The following KIF26B variants were observed in gnomAD, a reference collection of about 807,000 sequenced individuals.
KIF26B encodes kinesin-like protein KIF26B.
In KIF26B, 63 loss-of-function variants were observed where a neutral mutation model predicts 151.2. The observed-to-expected ratio is 0.42, with a 90% CI of 0.34 to 0.51. The LOEUF (loss-of-function observed/expected upper bound fraction) is 0.51. KIF26B is among the 20% of genes least tolerant of loss of function. KIF26B has a pLI of 0.07. For missense variants in KIF26B, 2,813 were observed against 2,913.6 expected (o/e 0.97, Z 0.79); for synonymous variants, 1,357 against 1,262.1 (o/e 1.08, Z -1.59).
At chr1:245,500,528 C>G (rs927167076) in intron 4 of KIF26B, among the ~76,000 whole-genome samples, 2 of 152,184 alleles carry the variant, frequency 1.3e-5, no homozygotes, top group Non-Finnish European at 2.9e-5. Flanking sequence ...ATTAATAACA[C>G]CTGGTGTAAT....
intron 4 of KIF26B, among the ~76,000 whole-genome samples, chr1:245,429,677 A>C (rs1658732666): frequency 6.6e-6 from 1 of 152,168 alleles, no homozygotes; most frequent in Admixed American, 6.5e-5. Context: ...GCAGTGGCAC[A>C]ATCTCGGCTC....
intron 14 of KIF26B, among the ~76,000 whole-genome samples, chr1:245,700,752 C>T (rs905224553): frequency 2.6e-5 from 4 of 152,174 alleles, no homozygotes; most frequent in Admixed American, 6.5e-5. Flanking sequence ...ACTAGTCCTG[C>T]GAGGGCCTTT....
At position 245,244,756 on chromosome 1, in the gene KIF26B, T is replaced by TCA. The variant is rs55638619; in HGVS notation, c.465+88108_465+88109dup. 0.25 allele frequency among the ~76,000 whole-genome samples: 36,558 copies of TCA among 144,224 alleles called. 4,755 individuals are homozygous for TCA. Among genetic ancestry groups the TCA allele is most frequent in the East Asian group, 0.37 (1,792 of 4,808 alleles). 94.6% of individuals were successfully genotyped at this position (144,224 alleles called of 152,430 possible). Reference sequence around the variant, plus strand: ...AGAAGGAACACACAGACACGCACACTCACACACACACACACACACACACAC... The same window carrying TCA: ...AGAAGGAACACACAGACACGCACACTCACACACACACACACACACACACACAC... On this transcript the variant is annotated intron_variant, in intron 2 of 14. Coordinates refer to ENST00000407071, the MANE Select transcript of KIF26B (RefSeq NM_018012.4). This position sits in a 1 kb window ranked among gnomAD's most constrained non-coding sequence, Gnocchi z 4.2.
chr1:245,251,264 C>A (rs1426310122), intron 2 of KIF26B, among the ~76,000 whole-genome samples: 2 of 152,146 alleles, frequency 1.3e-5, no homozygotes, highest in Admixed American at 1.3e-4. Flanking sequence ...TCACTCTTAC[C>A]AGTTCTAGGA....
intron 5 of KIF26B, among the ~76,000 whole-genome samples, chr1:245,545,429 T>C (rs1023543890): frequency 6.6e-6 from 1 of 152,172 alleles, no homozygotes; most frequent in African/African-American, 2.4e-5. Flanking sequence ...AAGCACCTAC[T>C]AGGTGTTAGG....
At chr1:245,499,035 G>A (rs182590990) in intron 4 of KIF26B, among the ~76,000 whole-genome samples, 66 of 152,292 alleles carry the variant, frequency 4.3e-4, no homozygotes, top group African/African-American at 1.5e-3. Context: ...CCAGACTAGT[G>A]TGACTCCTGA....
chr1:245,440,870 AG>A (rs1393145769), intron 4 of KIF26B, among the ~76,000 whole-genome samples: 1 of 152,168 alleles, frequency 6.6e-6, no homozygotes, highest in Non-Finnish European at 1.5e-5. Context: ...ACCTCCTTTT[AG>A]GGACAGTCTC....
intron 10 of KIF26B, among the ~76,000 whole-genome samples, chr1:245,662,250 TAC>T (rs906125721): frequency 2.9e-4 from 44 of 149,420 alleles, no homozygotes; most frequent in African/African-American, 8.1e-4. Context: ...GATATATCTA[TAC>T]ACACACACAC....
chr1:245,684,619 C>T (rs894995982), intron 11 of KIF26B, among the ~76,000 whole-genome samples: 1 of 152,208 alleles, frequency 6.6e-6, no homozygotes, highest in African/African-American at 2.4e-5. Context: ...GCCCTGGTCA[C>T]CCAGCCTGGA....
chr1:245,520,153 C>A (rs1294480446), intron 4 of KIF26B, among the ~76,000 whole-genome samples: 2 of 92,314 alleles, frequency 2.2e-5, no homozygotes, highest in African/African-American at 8.1e-5. Flanking sequence ...GAGAGCCCTT[C>A]CCCAGCTAGT....
rs545644636 is a variant in KIF26B at position 245,296,675 on chromosome 1, G to A, written c.466-70159G>A. The stretch of plus-strand genomic sequence containing the variant: ...AGTCGGCCTCACTTTTCCCTGCCCA[G>A]CTACTGGCTTCCACGTCCTCGTCTT... On this transcript the variant is annotated intron_variant, in intron 2 of 14. Transcript: ENST00000407071. 3.3e-5 allele frequency among the ~76,000 whole-genome samples: 5 copies of A among 152,314 alleles called. No individual in the cohort carries two copies. In the South Asian group the frequency reaches 1.0e-3, roughly 32 times the overall value.
chr1:245,499,124 C>A (rs753743901), intron 4 of KIF26B, among the ~76,000 whole-genome samples: 2 of 152,044 alleles, frequency 1.3e-5, no homozygotes, highest in Non-Finnish European at 2.9e-5. Flanking sequence ...TGATGTCAAG[C>A]AGCTCATGTT....
intron 12 of KIF26B, among the ~76,000 whole-genome samples, chr1:245,695,750 TTTA>T (rs1294806647): frequency 6.6e-6 from 1 of 151,596 alleles, no homozygotes; most frequent in Non-Finnish European, 1.5e-5. Context: ...TCCAGGTGTT[TTTA>T]CCTTCTCTAC....
chr1:245,179,112 G>A (rs1246221694), intron 2 of KIF26B, among the ~76,000 whole-genome samples: 3 of 152,118 alleles, frequency 2.0e-5, no homozygotes, highest in African/African-American at 7.2e-5. Context: ...GACTGCCCCT[G>A]TCTTTGTGAA....
chr1:245,205,955 C>T (rs1373363708), intron 2 of KIF26B, among the ~76,000 whole-genome samples: 1 of 150,352 alleles, frequency 6.7e-6, no homozygotes, highest in Non-Finnish European at 1.5e-5. Flanking sequence ...CCAGGGTGGT[C>T]TGGAACTCCT....
chr1:245,331,223 A>C (rs1036317976), intron 2 of KIF26B, among the ~76,000 whole-genome samples: 1 of 151,998 alleles, frequency 6.6e-6, no homozygotes, highest in African/African-American at 2.4e-5. Context: ...CTCTTGCCGG[A>C]GGAGGGTGCA....
chr1:245,583,457 C>T (rs958537312), intron 5 of KIF26B, among the ~76,000 whole-genome samples: 5 of 152,216 alleles, frequency 3.3e-5, no homozygotes, highest in African/African-American at 1.2e-4. Flanking sequence ...CTGCCTGCCA[C>T]CATCAGTTCC....
intron 2 of KIF26B, among the ~76,000 whole-genome samples, chr1:245,274,899 C>T (rs1411200494): frequency 6.6e-6 from 1 of 152,194 alleles, no homozygotes; most frequent in Non-Finnish European, 1.5e-5. Flanking sequence ...GGAATTGCCA[C>T]ACTGTCTTCC....
intron 2 of KIF26B, among the ~76,000 whole-genome samples, chr1:245,197,448 A>T (rs904724883): frequency 2.6e-5 from 4 of 152,058 alleles, no homozygotes; most frequent in Non-Finnish European, 5.9e-5. Flanking sequence ...GTGGAGACTG[A>T]TCTTTTATTT....
Sources: allele counts gnomAD v4.1 joint callset (sites outside exome capture counted in the v4.1 genomes callset), GRCh38; gene constraint gnomAD v4.1.1; non-coding constraint Gnocchi (gnomAD v3.1); transcripts MANE v1.5; gene names NCBI Gene and HGNC (gene_info 2026-07-23, HGNC 2026-07-21).